Variants in PGM1 observed in about 807,000 individuals in gnomAD.
The protein encoded by PGM1 is phosphoglucomutase 1, also known as phosphoglucomutase-1.
In PGM1, 52 loss-of-function variants were observed where a neutral mutation model predicts 55.6. That is an observed-to-expected ratio of 0.94 (90% CI 0.75 to 1.18). The LOEUF (loss-of-function observed/expected upper bound fraction) is 1.18, where lower values mean the gene tolerates loss of function less well. PGM1 is among the 50% of genes most tolerant of loss of function. PGM1 has a pLI of 0.00. For missense variants in PGM1, 724 were observed against 729.3 expected, an observed-to-expected ratio of 0.99 and a Z score of 0.08; for synonymous variants, 287 against 271.7, an observed-to-expected ratio of 1.06 and a Z score of -0.55.
chr1:63,616,897 G>A lies in PGM1; in HGVS notation c.247-12528G>A, dbSNP rs142105724. 3.3e-5 allele frequency among the ~76,000 whole-genome samples: 5 copies of A among 152,220 alleles called. No individual in the cohort carries two copies. In the East Asian group the frequency reaches 5.8e-4, roughly 18 times the overall value. ...CTAAAATGCACATAGCCAATGGCCC[G>A]TCCCAATTGTTGGGTATGAAACACG... On this transcript the variant is annotated intron_variant, in intron 1 of 10. Coordinates refer to ENST00000371084, the MANE Select transcript of PGM1 (RefSeq NM_002633.3).
chr1:63,601,872 C>T (rs1648253872), intron 1 of PGM1, among the ~76,000 whole-genome samples: 1 of 152,084 alleles, frequency 6.6e-6, no homozygotes, highest in African/African-American at 2.4e-5. Context: ...TAAAGACAGC[C>T]CTGAATTAAC....
At position 63,654,336 on chromosome 1, in the gene PGM1, T is replaced by C; in HGVS notation, c.1469T>C (p.Leu490Ser). 9 of 1,613,908 alleles carry C rather than the reference T, an allele frequency of 5.6e-6. No individual in the cohort carries two copies. Among genetic ancestry groups the C allele is most frequent in the Non-Finnish European group, 7.6e-6 (9 of 1,179,826 alleles). The change falls in exon 10 of 11, where the codon TTG becomes TCG. Residue 490 changes from leucine to serine, a missense_variant. Leu to Ser is a moderately radical substitution (Grantham distance 145). This residue lies in a region of PGM1 where 316 missense variants were observed against 313.1 expected (regional missense o/e 1.01). Transcript: ENST00000371084. ...VDGSISRNQG[L>S]RLIFTDGSRI... ...ATCTCTGCTTATCTTTTCCAGGGCT[T>C]GCGCCTCATTTTCACAGATGGTTCT...
chr1:63,623,149 C>T (rs1000005632), intron 1 of PGM1: 16 of 1,045,638 alleles, frequency 1.5e-5, no homozygotes, highest in East Asian at 5.8e-5. Context: ...TCTACCCTAA[C>T]GGGGAAATGA....
chr1:63,611,470 A>G (rs1648563522), intron 1 of PGM1, among the ~76,000 whole-genome samples: 2 of 152,160 alleles, frequency 1.3e-5, no homozygotes, highest in African/African-American at 2.4e-5. Flanking sequence ...GAGGTCACAC[A>G]GGTCCTTAAC....
At chr1:63,641,071 A>G (rs1053378936) in intron 7 of PGM1, among the ~76,000 whole-genome samples, 28 of 152,324 alleles carry the variant, frequency 1.8e-4, no homozygotes, top group African/African-American at 5.5e-4. Flanking sequence ...ACCTAGAACT[A>G]TTTGCCAAGG....
At chr1:63,597,568 G>A (rs1177074216) in intron 1 of PGM1, among the ~76,000 whole-genome samples, 1 of 152,162 alleles carries the variant, frequency 6.6e-6, no homozygotes, top group Non-Finnish European at 1.5e-5. Flanking sequence ...GAGGGGTTCC[G>A]TGTTAGTCAG....
rs11208264 is a variant in PGM1 at position 63,659,401 on chromosome 1, T to C, written c.1600-185T>C. 0.3 allele frequency among the ~76,000 whole-genome samples: 44,860 copies of C among 152,064 alleles called. 6,974 individuals carry two copies. Among genetic ancestry groups the C allele is most frequent in the African/African-American group, 0.4 (16,441 of 41,450 alleles). ...CACTTTACATGAAAGACTGTAGTGT[T>C]GATCCACTGAAATAGAAACTGCTGG... is the stretch of plus-strand genomic sequence containing the variant. On this transcript the variant is annotated intron_variant, in intron 10 of 10. Coordinates refer to ENST00000371084, the MANE Select transcript of PGM1 (RefSeq NM_002633.3).
intron 1 of PGM1, among the ~76,000 whole-genome samples, chr1:63,604,952 TGTGTGTG>T (rs1557703409): frequency 2.8e-4 from 39 of 141,410 alleles, no homozygotes; most frequent in African/African-American, 9.1e-4. Flanking sequence ...TGTGTGTGTG[TGTGTGTG>T]TAAAGAGAGG....
At chr1:63,655,363 C>A (rs377606935) in intron 10 of PGM1, among the ~76,000 whole-genome samples, 11 of 152,314 alleles carry the variant, frequency 7.2e-5, no homozygotes, top group African/African-American at 2.6e-4. Flanking sequence ...GGTCTGATCA[C>A]CTGCTTGGGC....
intron 1 of PGM1, among the ~76,000 whole-genome samples, chr1:63,594,370 T>C (rs913979058): frequency 6.6e-6 from 1 of 152,144 alleles, no homozygotes; most frequent in South Asian, 2.1e-4. Flanking sequence ...TCCTGCCCTT[T>C]GCGCGGCCTG....
At chr1:63,625,086 C>G (rs560124696) in intron 1 of PGM1, among the ~76,000 whole-genome samples, 3 of 152,284 alleles carry the variant, frequency 2.0e-5, no homozygotes, top group Non-Finnish European at 4.4e-5. Flanking sequence ...ATTATTTCTC[C>G]ACATATATCT....
chr1:63,612,527 A>C (rs1648597494), intron 1 of PGM1, among the ~76,000 whole-genome samples: 1 of 152,188 alleles, frequency 6.6e-6, no homozygotes, highest in African/African-American at 2.4e-5. Flanking sequence ...CTGGGATGCT[A>C]GGTCAGCTGG....
intron 1 of PGM1, among the ~76,000 whole-genome samples, chr1:63,618,193 A>G (rs1191246057): frequency 2.0e-5 from 3 of 152,248 alleles, no homozygotes; most frequent in East Asian, 1.9e-4. Flanking sequence ...GTCCAAGATC[A>G]TATTACTAGT....
At chr1:63,655,254 A>G (rs1270735061) in intron 10 of PGM1, among the ~76,000 whole-genome samples, 1 of 151,432 alleles carries the variant, frequency 6.6e-6, no homozygotes. Context: ...TGCTGGGATT[A>G]TATGTGTGAG....
At position 63,660,158 on chromosome 1, in the gene PGM1, C is replaced by T. The variant is rs1032630814; in HGVS notation, c.*483C>T. ...AATCAGTTCTTTCCTCTGAGTGAGACGTACTTGGCTACAGATTTCTGCCTT... is the reference window on the plus strand; with the variant it reads ...AATCAGTTCTTTCCTCTGAGTGAGATGTACTTGGCTACAGATTTCTGCCTT... On this transcript the variant is annotated 3_prime_UTR_variant, in exon 11 of 11. Coordinates refer to ENST00000371084, the MANE Select transcript of PGM1 (RefSeq NM_002633.3). The T allele has an allele frequency of 1.7e-5, 3 of 173,138 alleles. No individual in the cohort carries two copies. Among genetic ancestry groups the T allele is most frequent in the Admixed American group, 5.6e-5 (1 of 17,964 alleles). 10.7% of individuals were successfully genotyped at this position (173,138 alleles called of 1,614,324 possible).
intron 9 of PGM1, among the ~76,000 whole-genome samples, chr1:63,652,572 C>CTGT (rs3831887): frequency 0.49 from 74,010 of 151,806 alleles, 18,178 homozygotes; most frequent in East Asian, 0.57. Context: ...CTTCTGTTGC[C>CTGT]TGTTGTCACA....
At chr1:63,627,065 C>A (rs112126373) in intron 1 of PGM1, among the ~76,000 whole-genome samples, 13,435 of 98,368 alleles carry the variant, frequency 0.14, 1,158 homozygotes, top group African/African-American at 0.24. Context: ...CCCCCCCCCC[C>A]CACACACACA....
Position 63,643,712 on chromosome 1 carries a change from T to C in PGM1, c.1145-4805T>C, listed in dbSNP as rs563813644. Among the ~76,000 whole-genome samples, 433 of 152,348 alleles carry C rather than the reference T, an allele frequency of 2.8e-3. 2 individuals are homozygous for C. The highest frequency in any genetic ancestry group is 0.01 in the African/African-American group (419 of 41,586). Reference sequence around the variant, plus strand: ...TCTTTGGGCAGACTGTCTTAACAACTGACTTTGGGCCAACCCCTGTTTGGG... The same window carrying C: ...TCTTTGGGCAGACTGTCTTAACAACCGACTTTGGGCCAACCCCTGTTTGGG... On this transcript the variant is annotated intron_variant, in intron 7 of 10. Coordinates refer to ENST00000371084, the MANE Select transcript of PGM1 (RefSeq NM_002633.3).
At chr1:63,610,775 G>A (rs1234374691) in intron 1 of PGM1, among the ~76,000 whole-genome samples, 4 of 152,190 alleles carry the variant, frequency 2.6e-5, no homozygotes, top group Non-Finnish European at 5.9e-5. Context: ...CAGAGCCTGG[G>A]GGGAGGGAGA....
Sources: allele counts gnomAD v4.1 joint callset (sites outside exome capture counted in the v4.1 genomes callset), GRCh38; gene constraint gnomAD v4.1.1; regional missense constraint gnomAD v4.1.1; transcripts MANE v1.5; gene names NCBI Gene and HGNC (gene_info 2026-07-23, HGNC 2026-07-21).